DNAJC13: variants seen among roughly 807,000 people sequenced by gnomAD.
The protein encoded by DNAJC13 is DnaJ heat shock protein family (Hsp40) member C13.
A neutral mutation model predicts 290.5 loss-of-function variants in DNAJC13; 75 were observed. That is an observed-to-expected ratio of 0.26 (90% confidence interval 0.21 to 0.31). The LOEUF (loss-of-function observed/expected upper bound fraction) is 0.31, where lower values mean the gene tolerates loss of function less well. Ranked by LOEUF, DNAJC13 falls within the 10% of genes least tolerant of loss-of-function variation. The pLI is 1.00. For missense variants in DNAJC13, 2,260 were observed against 2,674.5 expected, an observed-to-expected ratio of 0.85 and a Z score of 3.42; for synonymous variants, 862 against 892.0, an observed-to-expected ratio of 0.97 and a Z score of 0.60.
At position 132,417,631 on chromosome 3, in the gene DNAJC13, C is replaced by A. The variant is rs1375809495; in HGVS notation, c.-143C>A. 4.6e-5 allele frequency: 7 copies of A among 152,442 alleles called. No individual in the cohort carries two copies. The highest frequency in any genetic ancestry group is 4.6e-4 in the Admixed American group (7 of 15,292). 9.4% of individuals were successfully genotyped at this position (152,442 alleles called of 1,614,324 possible). On this transcript the variant is annotated 5_prime_UTR_variant, in exon 1 of 56. It adds an upstream start codon to the 5' untranslated region. Coordinates refer to ENST00000260818, the MANE Select transcript of DNAJC13 (RefSeq NM_015268.4). ...GCACCAGGAACCCGCGGCAGCGGAG[C>A]TGCAGGGCCCCGGCGGGGGAAAGGG...
rs751698601 is a variant in DNAJC13, at chr3:132,461,082, G to A, written c.1590G>A (p.Ser530=). 5.6e-6 allele frequency: 9 copies of A among 1,613,876 alleles called. No homozygotes were observed. The highest frequency in any genetic ancestry group is 1.3e-5 in the African/African-American group (1 of 74,896). Residue 530 remains serine (S), a synonymous_variant, in exon 15 of 56, where the codon TCG becomes TCA. Transcript: ENST00000260818. ...GGACTGGTGCCCTAGTTATTAGTTC[G>A]CTCTTGGACTTCCTTACCTTTGCCC... ...DHGTGALVIS[S]LLDFLTFALC...
Position 132,483,421 on chromosome 3 carries a change from G to T in DNAJC13, c.3026G>T (p.Cys1009Phe), listed in dbSNP as rs1334872643. The T allele has an allele frequency of 6.2e-7, 1 of 1,614,128 alleles. No individual in the cohort carries two copies. Among genetic ancestry groups the T allele is most frequent in the Non-Finnish European group, 8.5e-7 (1 of 1,180,002 alleles). Residue 1009 changes from cysteine to phenylalanine, a missense_variant, in exon 28 of 56, where the codon TGC becomes TTC. Cys to Phe is a radical substitution (Grantham distance 205). This residue lies in a region of DNAJC13 where 1,494 missense variants were observed against 1,693.7 expected (regional missense o/e 0.88). Transcript: ENST00000260818. ...TKGMLNAKTR[C>F]WAQGMDGWRP... Reference sequence around the variant, plus strand: ...GGAATGTTAAATGCAAAAACCAGATGCTGGGCTCAAGGCATGGATGGATGG... The same window carrying T: ...GGAATGTTAAATGCAAAAACCAGATTCTGGGCTCAAGGCATGGATGGATGG...
At chr3:132,448,104 CA>C (rs1324486500) in intron 5 of DNAJC13, among the ~76,000 whole-genome samples, 165 bp downstream of exon 5, 1 of 151,926 alleles carries the variant, frequency 6.6e-6, no homozygotes, top group Non-Finnish European at 1.5e-5. Context: ...ACAGGAAACT[CA>C]AATATGAACA....
Position 132,453,676 on chromosome 3 carries a change from A to G in DNAJC13, c.822A>G (p.Thr274=), listed in dbSNP as rs1299495157. 8 of 1,612,816 alleles carry G rather than the reference A, an allele frequency of 5.0e-6. No homozygotes were observed. The highest frequency in any genetic ancestry group is 3.3e-5 in the Admixed American group (2 of 59,932). ...ERDPATYNIA[T]LKPLGEVFAL... ...ATCCGGCAACCTATAATATTGCAAC[A>G]TTGAAGCCTTTAGGAGAAGTAAGTT... Residue 274 remains threonine (T), a synonymous_variant, in exon 8 of 56, where the codon ACA becomes ACG. Transcript: ENST00000260818.
At chr3:132,486,409 C>CA (rs1461610106) in intron 29 of DNAJC13, among the ~76,000 whole-genome samples, 2 of 151,994 alleles carry the variant, frequency 1.3e-5, no homozygotes, top group Non-Finnish European at 2.9e-5. Flanking sequence ...ATACAAATGG[C>CA]ATTAAATTTC....
intron 25 of DNAJC13, 50 bp from the exon 26 acceptor site, chr3:132,480,319 T>C (rs1219294623): frequency 1.4e-5 from 18 of 1,293,070 alleles, no homozygotes; most frequent in Non-Finnish European, 2.0e-5. Flanking sequence ...GGATAGGTTT[T>C]AGGTTATGAA....
Position 132,460,366 on chromosome 3 carries a change from T to G in DNAJC13, c.1557+9T>G. 1 of 1,567,190 alleles carries G rather than the reference T, an allele frequency of 6.4e-7. No individual in the cohort carries two copies. The highest frequency in any genetic ancestry group is 8.8e-7 in the Non-Finnish European group (1 of 1,138,968). Reference sequence around the variant, plus strand: ...AATTTAATTCCCATGTGGTAAGTTATAATTAAATTTGTCTTCATGGTAGAT... The same window carrying G: ...AATTTAATTCCCATGTGGTAAGTTAGAATTAAATTTGTCTTCATGGTAGAT... On this transcript the variant is annotated intron_variant, in intron 14 of 55. Transcript: ENST00000260818.
intron 46 of DNAJC13, among the ~76,000 whole-genome samples, chr3:132,515,769 T>C (rs1576514672): frequency 6.6e-6 from 1 of 152,348 alleles, no homozygotes; most frequent in East Asian, 1.9e-4. Context: ...TATCTTACAC[T>C]GTTTGCTAAG....
intron 24 of DNAJC13, among the ~76,000 whole-genome samples, 185 bp downstream of exon 24, chr3:132,478,325 A>G (rs1166349918): frequency 6.6e-6 from 1 of 152,118 alleles, no homozygotes; most frequent in Admixed American, 6.5e-5. Context: ...ATGGGTTAGA[A>G]TTTGTCCATG....
intron 48 of DNAJC13, among the ~76,000 whole-genome samples, chr3:132,520,782 A>G (rs1936066036): frequency 6.6e-6 from 1 of 152,224 alleles, no homozygotes; most frequent in Non-Finnish European, 1.5e-5. Flanking sequence ...CTTAAATAAG[A>G]CATTTGAAAT....
chr3:132,489,555 ATATT>A (rs1934999434), intron 31 of DNAJC13, among the ~76,000 whole-genome samples: 1 of 151,834 alleles, frequency 6.6e-6, no homozygotes, highest in South Asian at 2.1e-4. Context: ...TTACAAAGAG[ATATT>A]TATTGTTAAA....
At chr3:132,427,073 A>G (rs983398508) in intron 1 of DNAJC13, among the ~76,000 whole-genome samples, 2 of 114,640 alleles carry the variant, frequency 1.7e-5, no homozygotes, top group Non-Finnish European at 3.5e-5. Context: ...TTATATATAC[A>G]TATGTGTGTG....
chr3:132,519,503 CTTA>C lies in DNAJC13; in HGVS notation c.5673+2692_5673+2694del, dbSNP rs557282712. 2.9e-4 allele frequency among the ~76,000 whole-genome samples: 43 copies of C among 148,908 alleles called. No individual in the cohort carries two copies. The East Asian group carries it at 4.8e-3, about 16-fold the overall frequency. On this transcript the variant is annotated intron_variant, in intron 48 of 55. Coordinates refer to ENST00000260818, the MANE Select transcript of DNAJC13 (RefSeq NM_015268.4). Reference sequence around the variant, plus strand: ...ATTGTTATGTTTTAGATACTAGTCCCTTATTATAGGTATGATTTTCAAGTATTT... The same window carrying C: ...ATTGTTATGTTTTAGATACTAGTCCCTTATAGGTATGATTTTCAAGTATTT...
chr3:132,476,051 C>T (rs140098085), intron 22 of DNAJC13, among the ~76,000 whole-genome samples: 6 of 152,274 alleles, frequency 3.9e-5, no homozygotes, highest in East Asian at 3.9e-4. Context: ...CTTCCACCTT[C>T]GCCTCCCCAG....
intron 31 of DNAJC13, among the ~76,000 whole-genome samples, chr3:132,489,258 C>CTA (rs1934982885): frequency 6.6e-6 from 1 of 152,142 alleles, no homozygotes; most frequent in African/African-American, 2.4e-5. Context: ...CAGCTATGAA[C>CTA]TATAGCCTGA....
intron 1 of DNAJC13, among the ~76,000 whole-genome samples, 198 bp from the exon 2 acceptor site, chr3:132,434,340 C>T (rs1427763175): frequency 3.6e-5 from 5 of 137,784 alleles, no homozygotes; most frequent in African/African-American, 6.9e-5. Context: ...GAGCAAAGAT[C>T]GTGCCACTGC....
chr3:132,503,324 A>T lies in DNAJC13; in HGVS notation c.4827A>T (p.Leu1609Phe), dbSNP rs1234939576. 6.2e-7 allele frequency: 1 copy of T among 1,614,062 alleles called. No individual in the cohort carries two copies. Among genetic ancestry groups the T allele is most frequent in the African/African-American group, 1.3e-5 (1 of 74,938 alleles). ...TPENPTIRKS[L>F]AGMLTPYVAR... ...AAAATCCAACCATAAGGAAAAGCTT[A>T]GCTGGCATGCTGACACCCTATGTTG... Residue 1609 changes from leucine to phenylalanine, a missense_variant, in exon 41 of 56, where the codon TTA becomes TTT. Physicochemically the swap from Leu to Phe is conservative, Grantham distance 22 (BLOSUM62 0). Around this residue, in one of 3 missense-constraint regions of DNAJC13, gnomAD observed 1,494 missense variants for 1,693.7 expected, o/e 0.88. Transcript: ENST00000260818.
intron 48 of DNAJC13, among the ~76,000 whole-genome samples, chr3:132,517,830 T>C (rs1325620254): frequency 6.6e-6 from 1 of 152,210 alleles, no homozygotes; most frequent in Non-Finnish European, 1.5e-5. Context: ...TCAGTTGTTT[T>C]CTTGCTCGAT....
intron 1 of DNAJC13, among the ~76,000 whole-genome samples, chr3:132,425,045 A>G (rs1266486454): frequency 6.6e-6 from 1 of 152,034 alleles, no homozygotes; most frequent in Non-Finnish European, 1.5e-5. Flanking sequence ...AGCCATTCAT[A>G]TTTTTTACCA....
Sources: allele counts gnomAD v4.1 joint callset (sites outside exome capture counted in the v4.1 genomes callset), GRCh38; gene constraint gnomAD v4.1.1; regional missense constraint gnomAD v4.1.1; transcripts MANE v1.5; gene names NCBI Gene and HGNC (gene_info 2026-07-23, HGNC 2026-07-21).